The following SHROOM4 variants were observed in gnomAD, a reference collection of about 807,000 sequenced individuals.
SHROOM4 encodes the protein protein Shroom4.
A neutral mutation model predicts 80.3 loss-of-function variants in SHROOM4; 17 were observed. The observed-to-expected ratio is 0.21, with a 90% confidence interval of 0.14 to 0.32. SHROOM4 has a LOEUF of 0.32. Among genes scored for constraint, SHROOM4 ranks in the 10% least tolerant of loss-of-function variants. SHROOM4 has a pLI of 1.00. For missense variants in SHROOM4, 993 were observed against 1,140.3 expected (o/e 0.87, Z 1.86); for synonymous variants, 400 against 437.5 (o/e 0.91, Z 1.07).
intron 5 of SHROOM4, 90 bp from the exon 6 acceptor site, chrX:50,608,274 T>G (rs1436398117): frequency 2.4e-6 from 2 of 842,135 alleles, no homozygotes; most frequent in Non-Finnish European, 3.5e-6. Flanking sequence ...AAATTTAAAA[T>G]GTCCACAAAA....
At chrX:50,626,812 G>A (rs1467335054) in intron 5 of SHROOM4, among the ~76,000 whole-genome samples, 2 of 111,904 alleles carry the variant, frequency 1.8e-5, no homozygotes, top group Admixed American at 1.9e-4. Flanking sequence ...TTAGCTTTGT[G>A]TGGGTTAGTC....
chrX:50,651,746 C>CT (rs1932078961), intron 2 of SHROOM4, among the ~76,000 whole-genome samples: 3 of 109,170 alleles, frequency 2.7e-5, no homozygotes, highest in Non-Finnish European at 5.7e-5. Context: ...CCTTAACCCC[C>CT]GACATGCCCC....
chrX:50,720,608 C>T (rs1330965503), intron 1 of SHROOM4, among the ~76,000 whole-genome samples: 6 of 111,993 alleles, frequency 5.4e-5, no homozygotes. Flanking sequence ...CTCACCATCC[C>T]ATAGTGTGTC....
At chrX:50,765,077 C>T (rs1201003114) in intron 1 of SHROOM4, among the ~76,000 whole-genome samples, 1 of 111,653 alleles carries the variant, frequency 9.0e-6, no homozygotes, top group Non-Finnish European at 1.9e-5. Flanking sequence ...CATGATTCAA[C>T]TACCTCCCAC....
chrX:50,609,088 C>A (rs189521155), intron 5 of SHROOM4, among the ~76,000 whole-genome samples: 135 of 110,152 alleles, frequency 1.2e-3, no homozygotes, highest in African/African-American at 3.9e-3. Flanking sequence ...CATAGCAAGA[C>A]CCTGTCTCTA....
chrX:50,796,122 G>A (rs1936005739), intron 1 of SHROOM4, among the ~76,000 whole-genome samples: 2 of 111,263 alleles, frequency 1.8e-5, no homozygotes, highest in African/African-American at 3.3e-5. Flanking sequence ...GTCAGTTTGT[G>A]GTAGGAGATA....
intron 5 of SHROOM4, among the ~76,000 whole-genome samples, chrX:50,608,765 A>C (rs1395249924): frequency 8.9e-6 from 1 of 112,361 alleles, no homozygotes; most frequent in African/African-American, 3.2e-5. Flanking sequence ...AGACTTAGTA[A>C]GTTTGAATAC....
chrX:50,681,604 T>C (rs1932941827), intron 2 of SHROOM4, among the ~76,000 whole-genome samples: 1 of 112,158 alleles, frequency 8.9e-6, no homozygotes, highest in Non-Finnish European at 1.9e-5. Context: ...CCCCTGCTGC[T>C]CCTACCACAC....
chrX:50,695,959 A>G (rs1557263024), intron 1 of SHROOM4, 22 bp from the exon 2 acceptor site: 1 of 1,209,429 alleles, frequency 8.3e-7, no homozygotes, highest in African/African-American at 1.7e-5. Flanking sequence ...AGAACAAAAC[A>G]GAAAGCAGGT....
intron 4 of SHROOM4, among the ~76,000 whole-genome samples, chrX:50,632,164 T>C (rs1440593138): frequency 8.9e-6 from 1 of 111,841 alleles, no homozygotes; most frequent in Non-Finnish European, 1.9e-5. Context: ...CCACCTCCCA[T>C]TGGCGAGCAG....
At chrX:50,767,682 A>G in intron 1 of SHROOM4, among the ~76,000 whole-genome samples, 1 of 105,873 alleles carries the variant, frequency 9.4e-6, no homozygotes, top group Non-Finnish European at 1.9e-5. Flanking sequence ...TAAGTGGGGT[A>G]TTGCTAAAAA....
chrX:50,723,146 G>A (rs1159539320), intron 1 of SHROOM4, among the ~76,000 whole-genome samples: 3 of 104,153 alleles, frequency 2.9e-5, no homozygotes, highest in African/African-American at 1.0e-4. Flanking sequence ...ATGATGGAAA[G>A]GGAGGGGGAT....
chrX:50,697,940 G>A (rs927485330), intron 1 of SHROOM4, among the ~76,000 whole-genome samples: 2 of 112,032 alleles, frequency 1.8e-5, no homozygotes, highest in African/African-American at 6.5e-5. Context: ...AGAGTTTCCC[G>A]AGGCTAACAA....
intron 1 of SHROOM4, among the ~76,000 whole-genome samples, chrX:50,776,784 G>A (rs1256946847): frequency 9.2e-6 from 1 of 109,062 alleles, no homozygotes; most frequent in African/African-American, 3.3e-5. Flanking sequence ...AACCTCCTGG[G>A]CTCAAGCCAT....
At chrX:50,608,602 G>A (rs1929808813) in intron 5 of SHROOM4, among the ~76,000 whole-genome samples, 1 of 111,885 alleles carries the variant, frequency 8.9e-6, no homozygotes, top group Admixed American at 9.5e-5. Context: ...CTGTTTATAG[G>A]AGTCAGATTG....
At chrX:50,671,694 C>T (rs2147392545) in intron 2 of SHROOM4, among the ~76,000 whole-genome samples, 1 of 112,773 alleles carries the variant, frequency 8.9e-6, no homozygotes, top group South Asian at 3.6e-4. Context: ...AATGTTGTGG[C>T]TGGTTTGCTC....
At chrX:50,691,863 C>T (rs1245851392) in intron 2 of SHROOM4, among the ~76,000 whole-genome samples, 1 of 111,345 alleles carries the variant, frequency 9.0e-6, no homozygotes, top group Non-Finnish European at 1.9e-5. Context: ...TTGGACTGAA[C>T]GAGAGGGAAT....
chrX:50,693,829 TTCTA>T (rs1233256556), intron 2 of SHROOM4, among the ~76,000 whole-genome samples: 2 of 110,688 alleles, frequency 1.8e-5, no homozygotes, highest in East Asian at 2.9e-4. Context: ...ATCTTATTCA[TTCTA>T]TCTAACTGTA....
intron 5 of SHROOM4, among the ~76,000 whole-genome samples, chrX:50,624,747 G>C (rs1345972089): frequency 9.2e-6 from 1 of 109,119 alleles, no homozygotes; most frequent in African/African-American, 3.3e-5. Context: ...TGAGCAGTTA[G>C]GACTACAGGT....
Sources: gnomAD v4.1 joint callset for allele counts (sites outside exome capture counted in the v4.1 genomes callset) on GRCh38, gnomAD v4.1.1 for gene constraint, MANE v1.5 for transcripts, NCBI Gene and HGNC (gene_info 2026-07-23, HGNC 2026-07-21) for gene names.